The following ROBO2 variants were observed in gnomAD, a reference collection of about 807,000 sequenced individuals.
ROBO2 encodes roundabout homolog 2.
Under a neutral mutation model 160.8 loss-of-function variants are expected in ROBO2, and 53 were observed. The ratio of observed to expected loss-of-function variants is 0.33; its 90% CI spans 0.26 to 0.41. The LOEUF is 0.41. Among genes scored for constraint, ROBO2 ranks in the 10% least tolerant of loss-of-function variants. The pLI, the probability that ROBO2 is intolerant of heterozygous loss-of-function variation, is 1.00. For synonymous variants in ROBO2, 664 were observed against 611.7 expected, an observed-to-expected ratio of 1.09 and a Z score of -1.26; for missense variants, 1,577 against 1,722.4, an observed-to-expected ratio of 0.92 and a Z score of 1.49.
At chr3:77,282,701 T>TAA (rs2060320689) in intron 2 of ROBO2, among the ~76,000 whole-genome samples, 1 of 152,126 alleles carries the variant, frequency 6.6e-6, no homozygotes, top group Non-Finnish European at 1.5e-5. Context: ...CACAAAGTCA[T>TAA]AAATTAAACA....
intron 2 of ROBO2, among the ~76,000 whole-genome samples, chr3:76,719,022 C>CT (rs992623283): frequency 3.3e-5 from 5 of 152,084 alleles, no homozygotes; most frequent in African/African-American, 4.8e-5. Context: ...ATTCCTTTAA[C>CT]TTTTTTTTAA....
At chr3:77,301,489 A>C (rs1436702253) in intron 2 of ROBO2, among the ~76,000 whole-genome samples, 1 of 152,192 alleles carries the variant, frequency 6.6e-6, no homozygotes, top group Non-Finnish European at 1.5e-5. Flanking sequence ...ATTATAGAAT[A>C]ATATAAATAT....
chr3:77,130,658 T>C (rs1416790355), intron 2 of ROBO2, among the ~76,000 whole-genome samples: 1 of 152,194 alleles, frequency 6.6e-6, no homozygotes, highest in African/African-American at 2.4e-5. Context: ...TTCAAGTACA[T>C]ACATTATTAT....
chr3:75,955,753 G>T (rs1248959332), intron 2 of ROBO2, among the ~76,000 whole-genome samples: 1 of 151,634 alleles, frequency 6.6e-6, no homozygotes, highest in African/African-American at 2.4e-5. Flanking sequence ...ATTCAAATGT[G>T]ACTCTGAGTT....
intron 2 of ROBO2, among the ~76,000 whole-genome samples, chr3:76,628,218 C>T (rs1039501210): frequency 6.6e-6 from 1 of 151,914 alleles, no homozygotes; most frequent in Non-Finnish European, 1.5e-5. Flanking sequence ...TAATACTTGT[C>T]GACTGCTAAG....
intron 2 of ROBO2, among the ~76,000 whole-genome samples, chr3:76,208,731 A>G (rs1179443873): frequency 1.3e-5 from 2 of 152,026 alleles, no homozygotes; most frequent in Non-Finnish European, 2.9e-5. Flanking sequence ...CTTAGATACG[A>G]TTTGTACCCA....
intron 2 of ROBO2, among the ~76,000 whole-genome samples, chr3:75,952,431 TTG>T (rs1375956717): frequency 2.6e-5 from 4 of 152,040 alleles, no homozygotes; most frequent in Admixed American, 6.6e-5. Context: ...CTTACTAAAA[TTG>T]TGTGTTTTTT....
chr3:76,122,928 T>C (rs2070812406), intron 2 of ROBO2, among the ~76,000 whole-genome samples: 1 of 152,202 alleles, frequency 6.6e-6, no homozygotes, highest in Non-Finnish European at 1.5e-5. Context: ...TTTGTATTTT[T>C]AGTAGAGACG....
At chr3:76,253,733 A>G (rs1376291451) in intron 2 of ROBO2, among the ~76,000 whole-genome samples, 2 of 151,790 alleles carry the variant, frequency 1.3e-5, no homozygotes, top group Admixed American at 6.6e-5. Flanking sequence ...TCACTATTAT[A>G]TGCTATTTTA....
At chr3:76,603,351 A>AAATATATAT (rs1553826368) in intron 2 of ROBO2, among the ~76,000 whole-genome samples, 28 of 26,414 alleles carry the variant, frequency 1.1e-3, no homozygotes, top group African/African-American at 1.4e-3. Flanking sequence ...AAAAAAAAAA[A>AAATATATAT]ATATATATAT....
At chr3:76,182,138 A>G (rs929816558) in intron 2 of ROBO2, among the ~76,000 whole-genome samples, 1 of 152,156 alleles carries the variant, frequency 6.6e-6, no homozygotes, top group Admixed American at 6.6e-5. Context: ...CTGAATTAAT[A>G]TATTTTCAAT....
chr3:77,632,545 G>T (rs1349961634), intron 23 of ROBO2: 1 of 1,535,734 alleles, frequency 6.5e-7, no homozygotes, highest in Non-Finnish European at 8.7e-7. Flanking sequence ...ATCTAGTGTA[G>T]GTAGCTCCTC....
At chr3:77,292,619 T>G (rs1022558311) in intron 2 of ROBO2, among the ~76,000 whole-genome samples, 2 of 146,234 alleles carry the variant, frequency 1.4e-5, no homozygotes, top group Non-Finnish European at 3.0e-5. Context: ...AAAGTAAAAT[T>G]GATGGTTAAA....
At chr3:76,126,211 A>G (rs2070983064) in intron 2 of ROBO2, among the ~76,000 whole-genome samples, 1 of 152,206 alleles carries the variant, frequency 6.6e-6, no homozygotes, top group African/African-American at 2.4e-5. Context: ...TTTCAAGTGT[A>G]GAGTGCAATT....
chr3:76,165,891 A>C (rs1169628697), intron 2 of ROBO2, among the ~76,000 whole-genome samples: 1 of 152,198 alleles, frequency 6.6e-6, no homozygotes, highest in Non-Finnish European at 1.5e-5. Flanking sequence ...AAGGTGAAGC[A>C]GCAAGTTTTC....
intron 2 of ROBO2, among the ~76,000 whole-genome samples, chr3:76,629,222 C>T (rs757156667): frequency 1.6e-4 from 25 of 152,080 alleles, no homozygotes; most frequent in Admixed American, 3.9e-4. Flanking sequence ...ACCCAAAATC[C>T]ACACTGTTCT....
intron 2 of ROBO2, among the ~76,000 whole-genome samples, chr3:76,279,581 C>A (rs554387871): frequency 2.4e-4 from 36 of 152,022 alleles, no homozygotes; most frequent in Non-Finnish European, 4.7e-4. Flanking sequence ...AATTACTGTT[C>A]ACACTTTAAT....
chr3:77,588,714 G>A (rs767946783), intron 16 of ROBO2, 37 bp from the exon 18 acceptor site: 174 of 1,587,608 alleles, frequency 1.1e-4, no homozygotes, highest in Middle Eastern at 1.7e-4. Context: ...GCTTATTTTC[G>A]TTTTAATATA....
chr3:77,626,374 AT>A (rs2095027165), intron 23 of ROBO2, among the ~76,000 whole-genome samples: 2 of 152,150 alleles, frequency 1.3e-5, no homozygotes, highest in Admixed American at 1.3e-4. Context: ...ACTTTTTGCA[AT>A]GAACCTCATT....
Sources: gnomAD v4.1 joint callset for allele counts (sites outside exome capture counted in the v4.1 genomes callset) on GRCh38, gnomAD v4.1.1 for gene constraint, MANE v1.5 for transcripts, NCBI Gene and HGNC (gene_info 2026-07-23, HGNC 2026-07-21) for gene names.